Variants in SAMD3 observed in about 807,000 individuals in gnomAD.
The protein encoded by SAMD3 is sterile alpha motif domain containing 3.
A neutral mutation model predicts 58.5 loss-of-function variants in SAMD3; 63 were observed. That is an observed-to-expected ratio of 1.08 (90% CI 0.88 to 1.33). The LOEUF is 1.33. SAMD3 is among the 40% of genes most tolerant of loss of function. The probability of loss-of-function intolerance (pLI) is 0.00; values close to 1 mark genes in which losing one functional copy is unlikely to be tolerated. For synonymous variants in SAMD3, 220 were observed against 210.3 expected, an observed-to-expected ratio of 1.05 and a Z score of -0.40; for missense variants, 604 against 608.4, an observed-to-expected ratio of 0.99 and a Z score of 0.08.
At chr6:130,153,666 T>TATATATATATATATATATATATATATATA (rs58896049) in intron 9 of SAMD3, among the ~76,000 whole-genome samples, 9 of 91,112 alleles carry the variant, frequency 9.9e-5, no homozygotes, top group South Asian at 3.9e-4. Context: ...ATATATATAT[T>TATATATATATATATATATATATATATATA]TATTTATTTA....
At chr6:130,337,115 C>G (rs911321265) in intron 1 of SAMD3, among the ~76,000 whole-genome samples, 9 of 152,142 alleles carry the variant, frequency 5.9e-5, no homozygotes, top group African/African-American at 1.9e-4. Context: ...AATCTCATCT[C>G]AAATTATAAT....
At chr6:130,347,036 AAACT>A (rs1458844947) in intron 1 of SAMD3, among the ~76,000 whole-genome samples, 2 of 152,224 alleles carry the variant, frequency 1.3e-5, no homozygotes, top group African/African-American at 2.4e-5. Context: ...GTTAGAAGGA[AAACT>A]AATAAACAGA....
At chr6:130,242,097 T>TC in intron 2 of SAMD3, among the ~76,000 whole-genome samples, 1 of 152,326 alleles carries the variant, frequency 6.6e-6, no homozygotes, top group South Asian at 2.1e-4. Flanking sequence ...GTGGAAAACT[T>TC]TAAGGATAAG....
At chr6:130,145,744 T>C (rs1788561527) in intron 10 of SAMD3, among the ~76,000 whole-genome samples, 1 of 152,154 alleles carries the variant, frequency 6.6e-6, no homozygotes, top group Admixed American at 6.5e-5. Context: ...TTTTACAATA[T>C]CCAGTATACT....
At position 130,352,909 on chromosome 6, in the gene SAMD3, T is replaced by A. The variant is rs76726402; in HGVS notation, c.-304+12211A>T. 4.1e-3 allele frequency among the ~76,000 whole-genome samples: 621 copies of A among 152,316 alleles called. 5 individuals are homozygous for A. The highest frequency in any genetic ancestry group is 0.014 in the African/African-American group (577 of 41,578). On this transcript the variant is annotated intron_variant, in intron 1 of 13. Transcript: ENST00000368134. ...ATTTTTGGTTTTACCTAATTAATAA[T>A]TGTTTAAAACCAAAATATTGGAAGG...
At chr6:130,163,080 T>A (rs1157527030) in intron 8 of SAMD3, among the ~76,000 whole-genome samples, 1 of 152,196 alleles carries the variant, frequency 6.6e-6, no homozygotes, top group Non-Finnish European at 1.5e-5. Context: ...ACCTGGCTTT[T>A]CTTTTTCCCC....
chr6:130,149,561 G>A (rs1427518247), intron 9 of SAMD3, among the ~76,000 whole-genome samples: 2 of 152,182 alleles, frequency 1.3e-5, no homozygotes, highest in Non-Finnish European at 2.9e-5. Flanking sequence ...GTCCTTTGCA[G>A]CAACATAGGT....
At chr6:130,305,211 AT>A (rs1046052362) in intron 2 of SAMD3, among the ~76,000 whole-genome samples, 6 of 151,770 alleles carry the variant, frequency 4.0e-5, no homozygotes, top group African/African-American at 1.5e-4. Context: ...GTAAAATTAC[AT>A]TTTCTATTTG....
chr6:130,300,726 A>G (rs969759929), intron 2 of SAMD3, among the ~76,000 whole-genome samples: 5 of 152,206 alleles, frequency 3.3e-5, no homozygotes, highest in African/African-American at 1.2e-4. Context: ...TACCTAGAAA[A>G]TCCTAAGGAT....
At chr6:130,260,951 C>T (rs115407788) in intron 2 of SAMD3, among the ~76,000 whole-genome samples, 2,836 of 152,244 alleles carry the variant, frequency 0.019, 81 homozygotes, top group African/African-American at 0.063. Context: ...GTACCTTTAT[C>T]GGCACTTTGG....
chr6:130,305,173 C>T (rs1487015634), intron 2 of SAMD3, among the ~76,000 whole-genome samples: 2 of 151,784 alleles, frequency 1.3e-5, no homozygotes, highest in African/African-American at 2.4e-5. Flanking sequence ...TGAGCTCAGG[C>T]AATCCGCCCA....
intron 1 of SAMD3, among the ~76,000 whole-genome samples, chr6:130,355,152 G>C (rs938178987): frequency 6.6e-6 from 1 of 152,136 alleles, no homozygotes; most frequent in African/African-American, 2.4e-5. Flanking sequence ...GCCCAGGCAC[G>C]GTGGCTCACG....
intron 1 of SAMD3, among the ~76,000 whole-genome samples, chr6:130,334,873 C>T (rs371450091): frequency 5.3e-5 from 8 of 152,288 alleles, no homozygotes; most frequent in African/African-American, 1.7e-4. Context: ...ATGTGAACAA[C>T]CAGGTTATAT....
chr6:130,253,369 C>T (rs1325783651), intron 2 of SAMD3, among the ~76,000 whole-genome samples: 1 of 152,060 alleles, frequency 6.6e-6, no homozygotes, highest in Non-Finnish European at 1.5e-5. Context: ...TGGGCTACAA[C>T]CATCTTGAGC....
intron 2 of SAMD3, among the ~76,000 whole-genome samples, chr6:130,298,134 A>G (rs1403864828): frequency 6.6e-6 from 1 of 152,204 alleles, no homozygotes; most frequent in Admixed American, 6.5e-5. Context: ...AACTAGAGAA[A>G]AGGGTCAAAA....
In SAMD3 at chr6:130,282,689, C is replaced by T. The variant is rs572260321; in HGVS notation, c.-188+30289G>A. Among the ~76,000 whole-genome samples the T allele has an allele frequency of 1.6e-4, 24 of 152,156 alleles. No individual in the cohort carries two copies. The South Asian group carries it at 2.5e-3, about 16-fold the overall frequency. ...CTCACTGGTACAGAGAAGACAAGGACGCTAAAAGTAACAGCTGAAACAAAA... is the reference window on the plus strand; with the variant it reads ...CTCACTGGTACAGAGAAGACAAGGATGCTAAAAGTAACAGCTGAAACAAAA... On this transcript the variant is annotated intron_variant, in intron 2 of 13. Coordinates refer to the SAMD3 transcript ENST00000368134.
intron 2 of SAMD3, among the ~76,000 whole-genome samples, chr6:130,287,994 C>T (rs915404358): frequency 4.0e-5 from 6 of 151,792 alleles, no homozygotes; most frequent in East Asian, 1.9e-4. Context: ...TGATGTCCTC[C>T]GCTCCAGGTG....
chr6:130,198,903 A>G (rs533893935), intron 5 of SAMD3, among the ~76,000 whole-genome samples: 11 of 152,100 alleles, frequency 7.2e-5, no homozygotes, highest in Non-Finnish European at 1.6e-4. Context: ...ACTCAGCTGA[A>G]CCCTGGTTGA....
chr6:130,297,626 T>C (rs1775613338), intron 2 of SAMD3, among the ~76,000 whole-genome samples: 1 of 152,060 alleles, frequency 6.6e-6, no homozygotes, highest in Non-Finnish European at 1.5e-5. Flanking sequence ...TGAAATCCAA[T>C]AAGAAGAAGC....
Sources: allele counts gnomAD v4.1 joint callset (sites outside exome capture counted in the v4.1 genomes callset), GRCh38; gene constraint gnomAD v4.1.1; transcripts MANE v1.5; gene names NCBI Gene and HGNC (gene_info 2026-07-23, HGNC 2026-07-21).